CCDC102B: variants seen among roughly 807,000 people sequenced by gnomAD.
CCDC102B encodes the protein coiled-coil domain-containing protein 102B.
Under a neutral mutation model 57.4 loss-of-function variants are expected in CCDC102B, and 75 were observed. The ratio of observed to expected loss-of-function variants is 1.31; its 90% CI spans 1.08 to 1.58. The LOEUF (loss-of-function observed/expected upper bound fraction) is 1.58. Ranked by LOEUF, CCDC102B falls within the 40% of genes most tolerant of loss-of-function variation. The pLI, the probability that CCDC102B is intolerant of heterozygous loss-of-function variation, is 0.00. For synonymous variants in CCDC102B, 206 were observed against 201.9 expected (o/e 1.02, Z -0.17); for missense variants, 636 against 582.6 (o/e 1.09, Z -0.94).
At chr18:68,768,356 T>G (rs998399628) in intron 2 of CCDC102B, among the ~76,000 whole-genome samples, 1 of 152,322 alleles carries the variant, frequency 6.6e-6, no homozygotes, top group South Asian at 2.1e-4. Flanking sequence ...CCATTTATAT[T>G]CTAATTTTCA....
At chr18:68,997,807 A>G (rs187985862) in intron 6 of CCDC102B, among the ~76,000 whole-genome samples, 4 of 150,236 alleles carry the variant, frequency 2.7e-5, no homozygotes, top group Admixed American at 1.4e-4. Context: ...CTATTAATTC[A>G]CTTTATTAAT....
chr18:69,026,373 A>C (rs1256543102), intron 7 of CCDC102B, among the ~76,000 whole-genome samples: 1 of 150,766 alleles, frequency 6.6e-6, no homozygotes, highest in Non-Finnish European at 1.5e-5. Flanking sequence ...AGGCTGAGGC[A>C]GGAGAATCGC....
At chr18:68,974,643 G>A (rs1302353193) in intron 6 of CCDC102B, among the ~76,000 whole-genome samples, 1 of 151,620 alleles carries the variant, frequency 6.6e-6, no homozygotes, top group Non-Finnish European at 1.5e-5. Context: ...TTCCCTTAAT[G>A]ACCATGAGGT....
chr18:68,838,537 A>T, intron 2 of CCDC102B, 169 bp from the exon 3 acceptor site: 1 of 985,450 alleles, frequency 1.0e-6, no homozygotes, highest in East Asian at 1.1e-4. Context: ...AAACAAGCTC[A>T]AAGAAGAATG....
At chr18:68,824,720 T>G (rs1255343519) in intron 1 of CCDC102B, among the ~76,000 whole-genome samples, 2 of 152,224 alleles carry the variant, frequency 1.3e-5, no homozygotes, top group East Asian at 3.8e-4. Flanking sequence ...TAGTACAGAA[T>G]AGCCAGACTG....
intron 1 of CCDC102B, among the ~76,000 whole-genome samples, chr18:68,801,874 G>A (rs914257988): frequency 1.3e-5 from 2 of 152,142 alleles, no homozygotes; most frequent in Non-Finnish European, 2.9e-5. Flanking sequence ...TTAGGTGAAA[G>A]ATTACATTTA....
intron 4 of CCDC102B, among the ~76,000 whole-genome samples, chr18:68,853,672 T>TAAAAAAAAAAAAAAAAAAAAAAAAAA (rs71175201): frequency 4.2e-5 from 4 of 94,656 alleles, no homozygotes; most frequent in Non-Finnish European, 6.1e-5. Flanking sequence ...CCCCAAATTG[T>TAAAAAAAAAAAAAAAAAAAAAAAAAA]AAAAAAAAAA....
intron 2 of CCDC102B, among the ~76,000 whole-genome samples, chr18:68,769,228 G>T (rs538076850): frequency 3.3e-5 from 5 of 151,416 alleles, no homozygotes; most frequent in Admixed American, 3.3e-4. Flanking sequence ...ATTCTAGCCT[G>T]GGCAACAAGA....
chr18:68,720,816 T>C (rs1442114249), intron 2 of CCDC102B, among the ~76,000 whole-genome samples: 1 of 152,120 alleles, frequency 6.6e-6, no homozygotes, highest in Non-Finnish European at 1.5e-5. Context: ...GCTCACACCT[T>C]AGTCTCAGCA....
intron 4 of CCDC102B, among the ~76,000 whole-genome samples, chr18:68,851,752 T>G (rs1433869397): frequency 6.6e-6 from 1 of 152,098 alleles, no homozygotes; most frequent in African/African-American, 2.4e-5. Context: ...GTCTAGACAG[T>G]TAATAGTTTG....
intron 6 of CCDC102B, among the ~76,000 whole-genome samples, chr18:68,906,833 A>ATTT (rs58285229): frequency 3.0e-5 from 4 of 133,510 alleles, no homozygotes; most frequent in African/African-American, 1.1e-4. Flanking sequence ...GACGAATTCT[A>ATTT]TTTTTTTTTT....
intron 7 of CCDC102B, among the ~76,000 whole-genome samples, chr18:69,037,092 C>T (rs1208184195): frequency 6.6e-6 from 1 of 151,784 alleles, no homozygotes; most frequent in Non-Finnish European, 1.5e-5. Flanking sequence ...TTACTCTTTG[C>T]AAAGTTTCTG....
chr18:68,730,497 T>C (rs1187033359), intron 2 of CCDC102B, among the ~76,000 whole-genome samples: 1 of 152,166 alleles, frequency 6.6e-6, no homozygotes, highest in African/African-American at 2.4e-5. Flanking sequence ...TATTATGCCA[T>C]TTTTTCATAA....
intron 2 of CCDC102B, among the ~76,000 whole-genome samples, chr18:68,717,648 C>T (rs2032098090): frequency 6.6e-6 from 1 of 152,088 alleles, no homozygotes. Flanking sequence ...TATGCTGGAA[C>T]ATATTCTGTG....
intron 6 of CCDC102B, among the ~76,000 whole-genome samples, chr18:68,981,119 A>G (rs929697176): frequency 1.3e-5 from 2 of 152,090 alleles, no homozygotes; most frequent in African/African-American, 2.4e-5. Flanking sequence ...ATTTTCTACA[A>G]TATGCATGTT....
At chr18:69,005,908 T>C (rs1568119363) in intron 6 of CCDC102B, among the ~76,000 whole-genome samples, 1 of 151,808 alleles carries the variant, frequency 6.6e-6, no homozygotes, top group African/African-American at 2.4e-5. Flanking sequence ...TTGTATGTAC[T>C]GTCAGTTATA....
intron 6 of CCDC102B, among the ~76,000 whole-genome samples, chr18:68,956,562 AT>A (rs1467715499): frequency 4.8e-4 from 3 of 6,192 alleles, no homozygotes; most frequent in Admixed American, 3.3e-3. Flanking sequence ...TATTATATAT[AT>A]TATATATTTT....
chr18:68,716,364 A>G (rs192129673), intron 1 of CCDC102B, among the ~76,000 whole-genome samples: 1 of 151,764 alleles, frequency 6.6e-6, no homozygotes, highest in East Asian at 1.9e-4. Flanking sequence ...ATTTCCTCTT[A>G]TATTTGCGTT....
rs200039139 is a variant in CCDC102B at position 68,941,086 on chromosome 18, TA to T, written c.1263+43659del. Among the ~76,000 whole-genome samples the T allele has an allele frequency of 2.8e-3, 418 of 151,506 alleles. 9 individuals carry two copies. Among genetic ancestry groups the T allele is most frequent in the African/African-American group, 8.8e-3 (366 of 41,494 alleles). On this transcript the variant is annotated intron_variant, in intron 6 of 7. Coordinates refer to ENST00000360242, the MANE Select transcript of CCDC102B (RefSeq NM_024781.3). ...AAATATCTACTATTTGCTATTTATT[TA>T]TTTTTTTTGCATAAAACTAAAATCA...
Sources: allele counts gnomAD v4.1 joint callset (sites outside exome capture counted in the v4.1 genomes callset), GRCh38; gene constraint gnomAD v4.1.1; transcripts MANE v1.5; gene names NCBI Gene and HGNC (gene_info 2026-07-23, HGNC 2026-07-21).